Variants in LYPD6 observed in about 807,000 individuals in gnomAD.
LYPD6 encodes the protein LY6/PLAUR domain containing 6.
Under a neutral mutation model 22.7 loss-of-function variants are expected in LYPD6, and 15 were observed. The observed-to-expected ratio is 0.66, with a 90% CI of 0.44 to 1.02. The LOEUF (loss-of-function observed/expected upper bound fraction) is 1.02. Among genes scored for constraint, LYPD6 ranks in the 50% least tolerant of loss-of-function variants. The probability of loss-of-function intolerance (pLI) is 0.00; values close to 1 mark genes in which losing one functional copy is unlikely to be tolerated. For synonymous variants in LYPD6, 72 were observed against 77.5 expected (o/e 0.93, Z 0.37); for missense variants, 189 against 208.4 (o/e 0.91, Z 0.57).
At chr2:149,355,922 G>A (rs914055238) in intron 1 of LYPD6, among the ~76,000 whole-genome samples, 2 of 151,966 alleles carry the variant, frequency 1.3e-5, no homozygotes, top group Non-Finnish European at 2.9e-5. Context: ...TGCACTCTGG[G>A]TCTGTGTGCT....
chr2:149,479,832 T>A, the LYPD6 span, among the ~76,000 whole-genome samples: 18 of 152,150 alleles, frequency 1.2e-4, no homozygotes. Flanking sequence ...CAAACCTGAT[T>A]AAGTCACCCA....
intron 1 of LYPD6, among the ~76,000 whole-genome samples, chr2:149,412,363 T>C (rs534811331): frequency 6.7e-6 from 1 of 148,984 alleles, no homozygotes; most frequent in East Asian, 2.0e-4. Context: ...TTTTATTTCT[T>C]TTTTTTTTTT....
chr2:149,376,200 A>G (rs1681917992), intron 1 of LYPD6, among the ~76,000 whole-genome samples: 1 of 152,198 alleles, frequency 6.6e-6, no homozygotes. Context: ...AGCCCTACAG[A>G]TAAATTCTCC....
intron 1 of LYPD6, among the ~76,000 whole-genome samples, chr2:149,371,485 T>C (rs1244937131): frequency 2.0e-5 from 3 of 152,234 alleles, no homozygotes; most frequent in Admixed American, 2.0e-4. Flanking sequence ...TGGTTTAGTT[T>C]ACCAAAAAGA....
At chr2:149,334,756 A>ATT (rs34573058) in intron 1 of LYPD6, among the ~76,000 whole-genome samples, 33 of 143,470 alleles carry the variant, frequency 2.3e-4, no homozygotes, top group African/African-American at 7.2e-4. Flanking sequence ...GCAAGTAACG[A>ATT]TTTTTTTTTT....
chr2:149,340,354 T>A (rs1241797745), intron 1 of LYPD6, among the ~76,000 whole-genome samples: 1 of 152,192 alleles, frequency 6.6e-6, no homozygotes, highest in Non-Finnish European at 1.5e-5. Flanking sequence ...ATATAATCAT[T>A]TACTTGCACT....
Position 149,359,073 on chromosome 2 carries a change from T to A in LYPD6, c.-72+28351T>A, listed in dbSNP as rs936267868. Among the ~76,000 whole-genome samples the A allele has an allele frequency of 2.1e-4, 32 of 152,330 alleles. No individual in the cohort carries two copies. In the Middle Eastern group the frequency reaches 0.017, roughly 81 times the overall value. On this transcript the variant is annotated intron_variant, in intron 1 of 4. Transcript: ENST00000334166. The stretch of plus-strand genomic sequence containing the variant: ...TATGTAATTTTTCAGTATCAAATTT[T>A]AAAAAAACTCATTTGTTGTGCTGTT...
In LYPD6 at chr2:149,363,236, C is replaced by T. The variant is rs899461290; in HGVS notation, c.-72+32514C>T. Among the ~76,000 whole-genome samples, 2 of 152,164 alleles carry T rather than the reference C, an allele frequency of 1.3e-5. 1 individual carries two copies. Among genetic ancestry groups the T allele is most frequent in the South Asian group, 4.2e-4 (2 of 4,814 alleles). On this transcript the variant is annotated intron_variant, in intron 1 of 4. Transcript: ENST00000334166. ...CTTGACTAATCAAGAGAATTGTTCTCGATGCCCATGATGATCAAAGCTAAC... is the reference window on the plus strand; with the variant it reads ...CTTGACTAATCAAGAGAATTGTTCTTGATGCCCATGATGATCAAAGCTAAC...
intron 1 of LYPD6, among the ~76,000 whole-genome samples, chr2:149,392,446 A>G (rs972139658): frequency 1.3e-5 from 2 of 152,138 alleles, no homozygotes; most frequent in Non-Finnish European, 2.9e-5. Context: ...TTTGGACTGC[A>G]AGTAAGAGGA....
intron 1 of LYPD6, among the ~76,000 whole-genome samples, chr2:149,377,359 A>G (rs1681946457): frequency 6.6e-6 from 1 of 151,718 alleles, no homozygotes; most frequent in Non-Finnish European, 1.5e-5. Context: ...TGAAGTGGGC[A>G]CCGCACACAG....
Position 149,464,113 on chromosome 2 carries a change from TAAAAA to T in LYPD6, c.218-4522_218-4518del, listed in dbSNP as rs34341723. ...GTTATCTCAAAATAATAGGTTAAATTAAAAAAAAAAAAAACAGTTTAAACACAAAA... is the reference window on the plus strand; with the variant it reads ...GTTATCTCAAAATAATAGGTTAAATTAAAAAAAAACAGTTTAAACACAAAA... On this transcript the variant is annotated intron_variant, in intron 3 of 4. Transcript: ENST00000334166. 9 of 359,030 alleles carry T rather than the reference TAAAAA, an allele frequency of 2.5e-5. No homozygotes were observed. The Admixed American group carries it at 3.8e-4, about 15-fold the overall frequency. The allele number at this position is 359,030 out of a possible 1,614,324, so 22.2% of individuals were successfully genotyped here. A position where few individuals can be genotyped will look rare whatever the true frequency, so the allele number is the denominator to read the frequency against.
At chr2:149,339,424 G>C (rs1002815899) in intron 1 of LYPD6, among the ~76,000 whole-genome samples, 1 of 152,168 alleles carries the variant, frequency 6.6e-6, no homozygotes, top group Non-Finnish European at 1.5e-5. Flanking sequence ...GATGTGCCCA[G>C]TTTCCAGAAT....
chr2:149,367,373 T>C (rs561968126), intron 1 of LYPD6, among the ~76,000 whole-genome samples: 1 of 152,302 alleles, frequency 6.6e-6, no homozygotes, highest in East Asian at 1.9e-4. Context: ...TATGTGGGCC[T>C]TCTCAACATT....
At chr2:149,478,525 A>G (rs1681478382), downstream of LYPD6, among the ~76,000 whole-genome samples, 1 of 151,958 alleles carries the variant, frequency 6.6e-6, no homozygotes, top group African/African-American at 2.4e-5. Flanking sequence ...CTGGGCTCAA[A>G]TGATCCACCT....
At chr2:149,461,880 G>A (rs1481630331) in intron 3 of LYPD6, among the ~76,000 whole-genome samples, 1 of 151,850 alleles carries the variant, frequency 6.6e-6, no homozygotes, top group Non-Finnish European at 1.5e-5. Context: ...CAGAAAAATA[G>A]GAATAGCGAG....
At chr2:149,377,348 T>C (rs987546010) in intron 1 of LYPD6, among the ~76,000 whole-genome samples, 22 of 149,860 alleles carry the variant, frequency 1.5e-4, no homozygotes, top group African/African-American at 5.4e-4. Context: ...AAGTCCCAGG[T>C]TGAAGTGGGC....
At chr2:149,336,601 CCTCT>C (rs1373669344) in intron 1 of LYPD6, among the ~76,000 whole-genome samples, 4 of 151,692 alleles carry the variant, frequency 2.6e-5, no homozygotes, top group Non-Finnish European at 5.9e-5. Context: ...ATAAATAAAC[CCTCT>C]CTATTTGTTC....
At chr2:149,421,555 T>A (rs1357085674) in intron 1 of LYPD6, among the ~76,000 whole-genome samples, 1 of 152,074 alleles carries the variant, frequency 6.6e-6, no homozygotes, top group East Asian at 1.9e-4. Flanking sequence ...CCATATGAAG[T>A]TGCTGTTTTT....
intron 1 of LYPD6, among the ~76,000 whole-genome samples, chr2:149,385,246 C>A (rs1682158042): frequency 6.6e-6 from 1 of 152,098 alleles, no homozygotes. Flanking sequence ...TGTGTGTAAA[C>A]CCAGCCTACC....
Sources: allele counts gnomAD v4.1 joint callset (sites outside exome capture counted in the v4.1 genomes callset), GRCh38; gene constraint gnomAD v4.1.1; transcripts MANE v1.5; gene names NCBI Gene and HGNC (gene_info 2026-07-23, HGNC 2026-07-21).